FGD4: variants seen among roughly 807,000 people sequenced by gnomAD.
FGD4 encodes FYVE, RhoGEF and PH domain containing 4, also known as FYVE, RhoGEF and PH domain-containing protein 4.
In FGD4, 42 loss-of-function variants were observed where a neutral mutation model predicts 102.0. The observed-to-expected ratio is 0.41, with a 90% CI of 0.32 to 0.53. FGD4 has a LOEUF of 0.53. FGD4 is among the 20% of genes least tolerant of loss of function. The pLI is 0.21. For missense variants in FGD4, 902 were observed against 1,078.2 expected (o/e 0.84, Z 2.29); for synonymous variants, 380 against 375.7 (o/e 1.01, Z -0.13).
At position 32,401,022 on chromosome 12, in the gene FGD4, A is replaced by G. The variant is rs144432144; in HGVS notation, c.166+1063A>G. 4.9e-3 allele frequency among the ~76,000 whole-genome samples: 740 copies of G among 152,346 alleles called. 5 individuals are homozygous for G. The highest frequency in any genetic ancestry group is 0.013 in the African/African-American group (551 of 41,578). On this transcript the variant is annotated intron_variant, in intron 1 of 16. Transcript: ENST00000534526. ...ATATGTAAACAAGTAACTGAATTAC[A>G]GTGCCTTCGGTCTTCATTTCCTTGT...
At position 32,484,798 on chromosome 12, in the gene FGD4, G is replaced by A. The variant is rs11052026; in HGVS notation, c.167-79339G>A. ...GAGGCAGGAGAATAGCTTGAACCTGGGAGGCAGAGGTTGCAGTGAGCCAAG... is the reference window on the plus strand; with the variant it reads ...GAGGCAGGAGAATAGCTTGAACCTGAGAGGCAGAGGTTGCAGTGAGCCAAG... On this transcript the variant is annotated intron_variant, in intron 1 of 16. Transcript: ENST00000534526. Among the ~76,000 whole-genome samples, 78 of 152,132 alleles carry A rather than the reference G, an allele frequency of 5.1e-4. 1 individual carries two copies. The East Asian group carries it at 0.015, about 28-fold the overall frequency.
chr12:32,408,690 C>G (rs1941062074), intron 1 of FGD4, among the ~76,000 whole-genome samples: 1 of 152,206 alleles, frequency 6.6e-6, no homozygotes, highest in Non-Finnish European at 1.5e-5. Flanking sequence ...TCCTTGTCTT[C>G]TTTTGGACTG....
intron 1 of FGD4, among the ~76,000 whole-genome samples, chr12:32,531,683 A>C (rs1356501443): frequency 1.3e-5 from 2 of 152,246 alleles, no homozygotes; most frequent in East Asian, 3.8e-4. Flanking sequence ...CTTGAAGAAC[A>C]AGTGGGTATT....
chr12:32,624,970 C>T lies in FGD4; in HGVS notation c.1954-6C>T, dbSNP rs780824885. On this transcript the variant is annotated splice_polypyrimidine_tract_variant and splice_region_variant and intron_variant, in intron 12 of 16. Coordinates refer to ENST00000534526, the MANE Select transcript of FGD4 (RefSeq NM_001370298.3). The stretch of plus-strand genomic sequence containing the variant: ...ATGTGTGCTTTGAATTTTACTTATA[C>T]TTTAGGCCCTTCAAGAAACCATCGA... 1 of 1,611,696 alleles carries T rather than the reference C, an allele frequency of 6.2e-7. No individual in the cohort carries two copies. Among genetic ancestry groups the T allele is most frequent in the Admixed American group, 1.7e-5 (1 of 59,984 alleles).
At chr12:32,505,324 T>C (rs1451615646) in intron 1 of FGD4, among the ~76,000 whole-genome samples, 1 of 152,220 alleles carries the variant, frequency 6.6e-6, no homozygotes, top group Non-Finnish European at 1.5e-5. Flanking sequence ...GTGTTAGATA[T>C]ACATTTACAG....
At position 32,506,570 on chromosome 12, in the gene FGD4, G is replaced by C. The variant is rs755383914; in HGVS notation, c.167-57567G>C. ...CCTGTGGGCCTTTCCACAGGTATAC[G>C]ACCCGCACTTGCATACTTAATCTCC... On this transcript the variant is annotated intron_variant, in intron 1 of 16. Transcript: ENST00000534526. The surrounding 1 kb of genome is among the most constrained non-coding windows in gnomAD (Gnocchi z 4.5). Among the ~76,000 whole-genome samples the C allele has an allele frequency of 2.6e-5, 4 of 152,032 alleles. No individual in the cohort carries two copies. The highest frequency in any genetic ancestry group is 4.4e-5 in the Non-Finnish European group (3 of 68,008).
At chr12:32,407,616 G>C (rs1448205603) in intron 1 of FGD4, among the ~76,000 whole-genome samples, 3 of 152,086 alleles carry the variant, frequency 2.0e-5, no homozygotes, top group Non-Finnish European at 4.4e-5. Context: ...TGCACTTTCT[G>C]GCATACTTTT....
chr12:32,452,290 G>A (rs1326338953), intron 1 of FGD4, among the ~76,000 whole-genome samples: 1 of 152,136 alleles, frequency 6.6e-6, no homozygotes, highest in African/African-American at 2.4e-5. Flanking sequence ...AATTCTCATT[G>A]CCAGTAAGTA....
At chr12:32,567,039 T>C (rs74072673) in intron 2 of FGD4, among the ~76,000 whole-genome samples, 8,414 of 152,262 alleles carry the variant, frequency 0.055, 560 homozygotes, top group African/African-American at 0.16. Context: ...CCTGCACTTA[T>C]CACCAGACAC....
At chr12:32,579,989 G>T (rs1215881468) in intron 3 of FGD4, among the ~76,000 whole-genome samples, 1 of 152,190 alleles carries the variant, frequency 6.6e-6, no homozygotes, top group Admixed American at 6.5e-5. Flanking sequence ...GGACCAGGCT[G>T]CTTGCTGTTT....
chr12:32,419,141 A>G (rs1941536218), intron 1 of FGD4, among the ~76,000 whole-genome samples: 1 of 152,164 alleles, frequency 6.6e-6, no homozygotes, highest in Non-Finnish European at 1.5e-5. Context: ...CCAAGAGCCT[A>G]GGCCTGGACT....
chr12:32,608,489 A>G (rs1360218119), intron 8 of FGD4, among the ~76,000 whole-genome samples: 1 of 152,264 alleles, frequency 6.6e-6, no homozygotes, highest in Non-Finnish European at 1.5e-5. Context: ...TTCACTATGT[A>G]AAAATAACCT....
At chr12:32,431,271 G>A (rs1435525989) in intron 1 of FGD4, among the ~76,000 whole-genome samples, 4 of 152,196 alleles carry the variant, frequency 2.6e-5, no homozygotes, top group South Asian at 2.1e-4. Flanking sequence ...GTAAACTTCC[G>A]GGAAAATTAT....
intron 1 of FGD4, among the ~76,000 whole-genome samples, chr12:32,446,337 C>G (rs1942614993): frequency 6.6e-6 from 1 of 151,960 alleles, no homozygotes; most frequent in Non-Finnish European, 1.5e-5. Context: ...CCAGCCCCCA[C>G]CCTCACCCCC....
chr12:32,601,389 C>G lies in FGD4; in HGVS notation c.1213C>G (p.Leu405Val). Residue 405 changes from leucine (L) to valine (V), a missense_variant, in exon 6 of 17, where the codon CTC becomes GTC. By Grantham distance (32) the Leu-to-Val change is conservative. Around this residue, in one of 2 missense-constraint regions of FGD4, gnomAD observed 459 missense variants for 619.0 expected, o/e 0.74. Coordinates refer to ENST00000534526, the MANE Select transcript of FGD4 (RefSeq NM_001370298.3). ...SSINAFHSKF[L>V]LPELEKRMQE... ...AATAAATGCCTTCCATAGTAAATTC[C>G]TCTTGCCAGAGCTGGAGAAACGAAT... is the stretch of plus-strand genomic sequence containing the variant. The G allele has an allele frequency of 6.2e-7, 1 of 1,614,058 alleles. No homozygotes were observed. Among genetic ancestry groups the G allele is most frequent in the Non-Finnish European group, 8.5e-7 (1 of 1,180,000 alleles).
intron 1 of FGD4, among the ~76,000 whole-genome samples, chr12:32,460,523 A>G (rs918686198): frequency 1.3e-5 from 2 of 151,994 alleles, no homozygotes; most frequent in African/African-American, 4.8e-5. Context: ...AAAGAAGAAG[A>G]AAAAGCTATT....
chr12:32,567,494 G>C (rs1945286823), intron 2 of FGD4, among the ~76,000 whole-genome samples: 1 of 152,036 alleles, frequency 6.6e-6, no homozygotes, highest in Admixed American at 6.6e-5. Flanking sequence ...CTTGCAGCCA[G>C]TGAGTGCAGG....
At chr12:32,620,520 C>CT (rs1233071153) in intron 11 of FGD4, among the ~76,000 whole-genome samples, 3,439 of 91,046 alleles carry the variant, frequency 0.038, 122 homozygotes, top group East Asian at 0.11. Context: ...TTTTTTCTTT[C>CT]TTTTTTTTTT....
At chr12:32,428,319 T>A (rs1052308118) in intron 1 of FGD4, among the ~76,000 whole-genome samples, 3 of 152,240 alleles carry the variant, frequency 2.0e-5, no homozygotes, top group African/African-American at 7.2e-5. Context: ...CCTTTGCTTA[T>A]GAAGCTTAGT....
Sources: allele counts gnomAD v4.1 joint callset (sites outside exome capture counted in the v4.1 genomes callset), GRCh38; gene constraint gnomAD v4.1.1; regional missense constraint gnomAD v4.1.1; non-coding constraint Gnocchi (gnomAD v3.1); transcripts MANE v1.5; gene names NCBI Gene and HGNC (gene_info 2026-07-23, HGNC 2026-07-21).